Variants in MGAM observed in about 807,000 individuals in gnomAD.
MGAM encodes maltase-glucoamylase.
A neutral mutation model predicts 358.8 loss-of-function variants in MGAM; 253 were observed. The observed-to-expected ratio is 0.71, with a 90% CI of 0.64 to 0.78. The LOEUF is 0.78. Among genes scored for constraint, MGAM ranks in the 30% least tolerant of loss-of-function variants. MGAM has a pLI of 0.00. For missense variants in MGAM, 3,080 were observed against 3,432.6 expected, an observed-to-expected ratio of 0.90 and a Z score of 2.57; for synonymous variants, 1,105 against 1,227.1, an observed-to-expected ratio of 0.90 and a Z score of 2.08.
intron 49 of MGAM, 24 bp downstream of exon 49, chr7:142,079,032 C>T (rs767895704): frequency 3.3e-6 from 5 of 1,512,984 alleles, no homozygotes; most frequent in East Asian, 2.3e-5. Context: ...ATATATCAGG[C>T]AGTGATAAGA....
chr7:142,059,269 G>C (rs551582407), intron 31 of MGAM, among the ~76,000 whole-genome samples: 1 of 152,100 alleles, frequency 6.6e-6, no homozygotes, highest in African/African-American at 2.4e-5. Flanking sequence ...TGCTGACTTC[G>C]ATTTTTTTTC....
chr7:142,065,063 A>G (rs1308200378), intron 37 of MGAM, among the ~76,000 whole-genome samples: 2 of 152,170 alleles, frequency 1.3e-5, no homozygotes, highest in Non-Finnish European at 2.9e-5. Context: ...GTATTGAGGA[A>G]ACCATTAGCA....
At position 142,092,127 on chromosome 7, in the gene MGAM, G is replaced by A. The variant is rs561611427; in HGVS notation, c.6945+80G>A. ...TACGTGTATGTACCACTGACCTTCA[G>A]TCAAGAGGATAGTCATTGTCCAAGG... On this transcript the variant is annotated intron_variant, in intron 58 of 70. Transcript: ENST00000475668. 376 of 1,478,360 alleles carry A rather than the reference G, an allele frequency of 2.5e-4. 33 individuals carry two copies. In the South Asian group the frequency reaches 3.7e-3, roughly 15 times the overall value. 91.6% of individuals were successfully genotyped at this position (1,478,360 alleles called of 1,614,324 possible).
chr7:142,047,945 G>A (rs1810542971), intron 22 of MGAM, 72 bp downstream of exon 22: 1 of 1,180,888 alleles, frequency 8.5e-7, no homozygotes, highest in African/African-American at 1.5e-5. Context: ...ACTCCTGCTG[G>A]TCATTCAGCT....
intron 21 of MGAM, among the ~76,000 whole-genome samples, chr7:142,044,187 CATATA>C (rs1563153415): frequency 3.0e-5 from 2 of 67,220 alleles, no homozygotes; most frequent in South Asian, 4.7e-4. Context: ...ACACATACGA[CATATA>C]ATATATAATA....
chr7:142,102,741 C>T (rs549605505), intron 69 of MGAM, 62 bp downstream of exon 69: 16 of 1,474,456 alleles, frequency 1.1e-5, no homozygotes, highest in African/African-American at 8.3e-5. Flanking sequence ...TGCTGAATAT[C>T]GTAAGGGCAT....
chr7:142,077,443 A>T (rs1315460386), intron 47 of MGAM, among the ~76,000 whole-genome samples: 1 of 145,418 alleles, frequency 6.9e-6, no homozygotes, highest in Non-Finnish European at 1.6e-5. Flanking sequence ...TGATTTTATT[A>T]CTCCAGACGT....
chr7:142,066,440 C>T lies in MGAM; in HGVS notation c.4771-133C>T, dbSNP rs1382463965. 3.7e-6 allele frequency: 4 copies of T among 1,079,400 alleles called. No homozygotes were observed. In the African/African-American group the frequency reaches 6.2e-5, roughly 17 times the overall value. 66.9% of individuals were successfully genotyped at this position (1,079,400 alleles called of 1,614,324 possible). On this transcript the variant is annotated intron_variant, in intron 40 of 70. Transcript: ENST00000475668. The stretch of plus-strand genomic sequence containing the variant: ...CTCTTTCCGGTCTATTAAGAATATT[C>T]TCTGGGCCTCATGTATAGTTTTCTT...
chr7:142,043,031 A>T (rs1414251763), intron 21 of MGAM, among the ~76,000 whole-genome samples: 1 of 95,144 alleles, frequency 1.1e-5, no homozygotes, highest in Non-Finnish European at 1.7e-5. Context: ...AAATATAAAC[A>T]TAATATCTAA....
At chr7:141,989,027 T>C (rs1554446779) in intron 2 of MGAM, among the ~76,000 whole-genome samples, 2 of 152,078 alleles carry the variant, frequency 1.3e-5, no homozygotes, top group African/African-American at 2.4e-5. Context: ...GTTTGTAGGC[T>C]ATGAAGACTG....
intron 59 of MGAM, 71 bp downstream of exon 59, chr7:142,092,679 G>A: frequency 7.5e-7 from 1 of 1,329,990 alleles, no homozygotes; most frequent in Non-Finnish European, 1.0e-6. Flanking sequence ...GGAGCCCGAG[G>A]CCAGGGGTGG....
At chr7:142,060,823 T>C (rs1265291569) in intron 34 of MGAM, among the ~76,000 whole-genome samples, 3 of 152,076 alleles carry the variant, frequency 2.0e-5, no homozygotes, top group East Asian at 1.9e-4. Context: ...TATATCTTTC[T>C]TTTTTTCCCC....
chr7:142,034,729 C>G lies in MGAM; in HGVS notation c.1847C>G (p.Ala616Gly), dbSNP rs372476876. The change falls in exon 16 of 71, where the codon GCG (alanine) becomes GGG (glycine). Residue 616 changes from alanine to glycine, a missense_variant. Around this residue, in one of 5 missense-constraint regions of MGAM, gnomAD observed 1,816 missense variants for 1,840.5 expected, o/e 0.99. Transcript: ENST00000475668. ...TTCATTCTGACCCGTTCTACCTTTG[C>G]GGGCTCTGGCAAGTTTGCAGCACAT... ...RSFILTRSTF[A>G]GSGKFAAHWL... The G allele has an allele frequency of 6.2e-7, 1 of 1,613,486 alleles. No individual in the cohort carries two copies. Among genetic ancestry groups the G allele is most frequent in the African/African-American group, 1.3e-5 (1 of 74,906 alleles).
chr7:142,085,710 T>C lies in MGAM; in HGVS notation c.6508-123T>C. On this transcript the variant is annotated intron_variant, in intron 54 of 70. Coordinates refer to ENST00000475668, the MANE Select transcript of MGAM (RefSeq NM_001365693.1). ...ACCTGTACCTAACAAATGGCAGAGC[T>C]CGGACTTGAAAGCATCAACAAGAAG... The C allele has an allele frequency of 1.0e-5, 13 of 1,280,272 alleles. 3 individuals are homozygous for C. Among genetic ancestry groups the C allele is most frequent in the Non-Finnish European group, 1.4e-5 (13 of 944,038 alleles). The allele number at this position is 1,280,272 out of a possible 1,614,324, so 79.3% of individuals were successfully genotyped here.
intron 1 of MGAM, among the ~76,000 whole-genome samples, chr7:142,003,338 T>C (rs1028249781): frequency 1.3e-5 from 2 of 152,074 alleles, no homozygotes; most frequent in Admixed American, 6.6e-5. Context: ...ACTATAGTAA[T>C]GCAAACAGCA....
chr7:142,057,637 G>T (rs1177396966), intron 30 of MGAM, among the ~76,000 whole-genome samples: 2 of 151,504 alleles, frequency 1.3e-5, no homozygotes, highest in Non-Finnish European at 2.9e-5. Context: ...GGGGGTGATG[G>T]TGAAAATAGT....
intron 49 of MGAM, 127 bp from the exon 50 acceptor site, chr7:142,080,664 A>G (rs1814174379): frequency 1.2e-6 from 1 of 864,824 alleles, no homozygotes; most frequent in Admixed American, 2.9e-5. Context: ...TAAATCTCAG[A>G]CATCATAAAC....
intron 42 of MGAM, among the ~76,000 whole-genome samples, chr7:142,067,937 T>TATATATATATATATATATATATATAA (rs1812911221): frequency 2.4e-4 from 8 of 34,010 alleles, no homozygotes; most frequent in East Asian, 8.1e-4. Context: ...CTCCCTCAAA[T>TATATATATATATATATATATATATAA]ATATATATAT....
chr7:142,078,480 C>A lies in MGAM; in HGVS notation c.5646+10C>A. On this transcript the variant is annotated intron_variant, in intron 48 of 70. Transcript: ENST00000475668. ...TGGCTGTATCTGGGAGGTAACCATG[C>A]TGATGGGGTTCATGTGCATGAAAAT... is the stretch of plus-strand genomic sequence containing the variant. 2 of 1,537,028 alleles carry A rather than the reference C, an allele frequency of 1.3e-6. 1 individual carries two copies.
Sources: gnomAD v4.1 joint callset for allele counts (sites outside exome capture counted in the v4.1 genomes callset) on GRCh38, gnomAD v4.1.1 for gene constraint, gnomAD v4.1.1 regional missense constraint, MANE v1.5 for transcripts, NCBI Gene and HGNC (gene_info 2026-07-23, HGNC 2026-07-21) for gene names.